The following CRHR2 variants were observed in gnomAD, a reference collection of about 807,000 sequenced individuals.
CRHR2 encodes the protein corticotropin-releasing hormone receptor 2.
In CRHR2, 53 loss-of-function variants were observed where a neutral mutation model predicts 57.9. That is an observed-to-expected ratio of 0.92 (90% CI 0.73 to 1.15). CRHR2 has a LOEUF of 1.15. CRHR2 is among the 50% of genes most tolerant of loss of function. The pLI is 0.00. For missense variants in CRHR2, 532 were observed against 542.6 expected (o/e 0.98, Z 0.19); for synonymous variants, 213 against 220.9 (o/e 0.96, Z 0.32).
chr7:30,676,439 A>G (rs1201776469), intron 2 of CRHR2, among the ~76,000 whole-genome samples: 2 of 152,084 alleles, frequency 1.3e-5, no homozygotes, highest in African/African-American at 2.4e-5. Flanking sequence ...TACAGCTTCT[A>G]CTTCTTCAAC....
intron 1 of CRHR2, among the ~76,000 whole-genome samples, chr7:30,693,213 G>A (rs531070878): frequency 4.6e-4 from 70 of 152,324 alleles, no homozygotes; most frequent in African/African-American, 1.6e-3. Flanking sequence ...TTTCCTGGGT[G>A]ACAGGAGTGT....
At chr7:30,672,735 C>T (rs1204421442) in intron 2 of CRHR2, among the ~76,000 whole-genome samples, 1 of 152,246 alleles carries the variant, frequency 6.6e-6, no homozygotes, top group Non-Finnish European at 1.5e-5. Context: ...CTGTGGGCAG[C>T]ATTCTCCAGG....
chr7:30,700,088 C>T (rs1312106217), exon 1 of CRHR2: 16 of 1,235,382 alleles, frequency 1.3e-5, no homozygotes, highest in Non-Finnish European at 1.7e-5. Context: ...ACGGTGGTCA[C>T]ACCCTGGCCA....
At chr7:30,655,102 G>A (rs1584077320) in intron 10 of CRHR2, 22 bp from the exon 11 acceptor site, 1 of 1,611,962 alleles carries the variant, frequency 6.2e-7, no homozygotes, top group South Asian at 1.1e-5. Flanking sequence ...GGAAAGGAGG[G>A]AGTGGTCAGT....
chr7:30,667,448 G>C (rs1784224040), intron 2 of CRHR2, 135 bp from the exon 3 acceptor site: 4 of 653,524 alleles, frequency 6.1e-6, no homozygotes, highest in Non-Finnish European at 1.1e-5. Context: ...GCATCTGAAA[G>C]TTTACATGTA....
intron 1 of CRHR2, among the ~76,000 whole-genome samples, chr7:30,696,032 A>G (rs1209059689): frequency 6.6e-6 from 1 of 152,236 alleles, no homozygotes; most frequent in Non-Finnish European, 1.5e-5. Context: ...TGCAATGACT[A>G]AAAATTAGAA....
chr7:30,681,272 C>T (rs1320961621), intron 2 of CRHR2, among the ~76,000 whole-genome samples: 1 of 152,194 alleles, frequency 6.6e-6, no homozygotes, highest in Non-Finnish European at 1.5e-5. Context: ...TCAGACACCA[C>T]TCATTATGGG....
chr7:30,677,197 GAGAA>G (rs2128146558), intron 2 of CRHR2, among the ~76,000 whole-genome samples: 1 of 150,280 alleles, frequency 6.7e-6, no homozygotes, highest in South Asian at 2.1e-4. Context: ...GGGAGAGATG[GAGAA>G]AGAGAGAGAG....
chr7:30,658,057 C>G (rs1783858005), intron 8 of CRHR2, among the ~76,000 whole-genome samples: 1 of 152,120 alleles, frequency 6.6e-6, no homozygotes, highest in Non-Finnish European at 1.5e-5. Flanking sequence ...GTTATGTGGC[C>G]CCACTCATCT....
chr7:30,659,998 C>A (rs1375421382), intron 8 of CRHR2, among the ~76,000 whole-genome samples: 1 of 152,176 alleles, frequency 6.6e-6, no homozygotes, highest in East Asian at 1.9e-4. Flanking sequence ...AGAATGCAGC[C>A]TCTACTTGAA....
At chr7:30,689,232 T>C in exon 2 of CRHR2, 1 of 1,550,412 alleles carries the variant, frequency 6.4e-7, no homozygotes, top group Non-Finnish European at 8.7e-7. Flanking sequence ...GCAGTACTGC[T>C]CCAGAAGTGC....
At position 30,653,517 on chromosome 7, in the gene CRHR2, G is replaced by A. The variant is rs745402159; in HGVS notation, c.1179C>T (p.Ile393=). ...AGCTGATCCGTGTGGGTGATGTAGG[G>A]ATGGACATGGCCCGGGCCATGGGGA... The part of the protein sequence containing the change: ...LRVPMARAMS[I]PTSPTRISFH... Residue 393 remains isoleucine, a synonymous_variant, in exon 12 of 12, where the codon ATC becomes ATT. Transcript: ENST00000471646. The surrounding 1 kb of genome is among the most constrained non-coding windows in gnomAD (Gnocchi z 5.0). 1.9e-6 allele frequency: 3 copies of A among 1,613,512 alleles called. No individual in the cohort carries two copies. The highest frequency in any genetic ancestry group is 2.2e-5 in the South Asian group (2 of 91,082).
chr7:30,686,097 G>A (rs1360810424), upstream of CRHR2, among the ~76,000 whole-genome samples: 1 of 152,192 alleles, frequency 6.6e-6, no homozygotes, highest in Non-Finnish European at 1.5e-5. Context: ...AGGCCCTCCA[G>A]AACAATGTGT....
Position 30,668,164 on chromosome 7 carries a change from G to C in CRHR2, c.230-851C>G, listed in dbSNP as rs970105644. ...GCAATGTCCTGTGCACAAAAGTGCA[G>C]GTTTTGTCAAGGGGGAAGGTAGGAA... On this transcript the variant is annotated intron_variant, in intron 2 of 11. Coordinates refer to ENST00000471646, the MANE Select transcript of CRHR2 (RefSeq NM_001883.5). Among the ~76,000 whole-genome samples, 4 of 152,228 alleles carry C rather than the reference G, an allele frequency of 2.6e-5. No individual in the cohort carries two copies. In the East Asian group the frequency reaches 7.7e-4, roughly 29 times the overall value.
At chr7:30,658,043 T>C (rs554610961) in intron 8 of CRHR2, among the ~76,000 whole-genome samples, 1 of 152,282 alleles carries the variant, frequency 6.6e-6, no homozygotes, top group East Asian at 1.9e-4. Flanking sequence ...TTGGCAGACA[T>C]TTAGTTATGT....
At chr7:30,687,696 C>G (rs1382268372) in intron 2 of CRHR2, among the ~76,000 whole-genome samples, 2 of 152,170 alleles carry the variant, frequency 1.3e-5, no homozygotes. Context: ...GGACCCTATC[C>G]GCTGCACTCA....
intron 2 of CRHR2, chr7:30,689,093 C>G: frequency 9.0e-7 from 1 of 1,108,816 alleles, no homozygotes; most frequent in Non-Finnish European, 1.3e-6. Context: ...ACCCACCACC[C>G]TGCTGAGCCT....
intron 1 of CRHR2, among the ~76,000 whole-genome samples, chr7:30,692,698 G>T (rs1784984759): frequency 6.6e-6 from 1 of 152,212 alleles, no homozygotes; most frequent in African/African-American, 2.4e-5. Flanking sequence ...TTCACGTGAA[G>T]TCAGCACTTA....
chr7:30,664,100 C>G (rs1024471936), intron 5 of CRHR2, among the ~76,000 whole-genome samples: 1 of 152,346 alleles, frequency 6.6e-6, no homozygotes, highest in East Asian at 1.9e-4. Flanking sequence ...CACGTTGGAG[C>G]TAGAAGGCAC....
Sources: gnomAD v4.1 joint callset for allele counts (sites outside exome capture counted in the v4.1 genomes callset) on GRCh38, gnomAD v4.1.1 for gene constraint, Gnocchi (gnomAD v3.1) non-coding constraint, MANE v1.5 for transcripts, NCBI Gene and HGNC (gene_info 2026-07-23, HGNC 2026-07-21) for gene names.